The following GNAL variants were observed in gnomAD, a reference collection of about 807,000 sequenced individuals.
GNAL encodes the protein guanine nucleotide-binding protein G(olf) subunit alpha.
A neutral mutation model predicts 55.1 loss-of-function variants in GNAL; 18 were observed. The observed-to-expected ratio is 0.33, with a 90% CI of 0.23 to 0.48. GNAL has a LOEUF of 0.48. Ranked by LOEUF, GNAL falls within the 20% of genes least tolerant of loss-of-function variation. GNAL has a pLI of 0.99. For missense variants in GNAL, 412 were observed against 614.1 expected, an observed-to-expected ratio of 0.67 and a Z score of 3.48; for synonymous variants, 253 against 237.0, an observed-to-expected ratio of 1.07 and a Z score of -0.62.
intron 5 of GNAL, among the ~76,000 whole-genome samples, chr18:11,837,778 A>G (rs1317693899): frequency 2.6e-5 from 4 of 152,210 alleles, no homozygotes; most frequent in Non-Finnish European, 4.4e-5. Context: ...GTCCAAGAGA[A>G]TTGAAAATAT....
At position 11,737,127 on chromosome 18, in the gene GNAL, A is replaced by C. The variant is rs201470034; in HGVS notation, c.377-15726A>C. Among the ~76,000 whole-genome samples, 4 of 152,328 alleles carry C rather than the reference A, an allele frequency of 2.6e-5. No individual in the cohort carries two copies. In the East Asian group the frequency reaches 7.7e-4, roughly 29 times the overall value. ...GGATGCATAGTTGGTGTATCTATTT[A>C]TGGGTTGCATGAGATATTTTGATAC... is the stretch of plus-strand genomic sequence containing the variant. On this transcript the variant is annotated intron_variant, in intron 1 of 11. Transcript: ENST00000334049.
chr18:11,805,165 A>G (rs1324544320), intron 4 of GNAL, among the ~76,000 whole-genome samples: 6 of 114,768 alleles, frequency 5.2e-5, no homozygotes, highest in African/African-American at 1.7e-4. Flanking sequence ...TGAGTGGAAC[A>G]TGGAGATACT....
intron 1 of GNAL, among the ~76,000 whole-genome samples, chr18:11,750,149 C>T (rs1166240296): frequency 1.3e-5 from 2 of 152,222 alleles, no homozygotes; most frequent in East Asian, 3.9e-4. Context: ...CAACGGGATG[C>T]GGTAACTGTT....
chr18:11,787,350 C>T (rs970241540), intron 4 of GNAL, among the ~76,000 whole-genome samples: 1 of 152,152 alleles, frequency 6.6e-6, no homozygotes, highest in Admixed American at 6.5e-5. Context: ...GCCAATACAT[C>T]ACTTTTTTGG....
intron 4 of GNAL, among the ~76,000 whole-genome samples, chr18:11,796,643 G>A (rs2034397025): frequency 1.3e-5 from 2 of 148,714 alleles, no homozygotes; most frequent in African/African-American, 5.0e-5. Flanking sequence ...GATAAGCACT[G>A]CAAACATTCG....
intron 1 of GNAL, among the ~76,000 whole-genome samples, chr18:11,741,820 G>A (rs535143549): frequency 6.6e-6 from 1 of 152,342 alleles, no homozygotes; most frequent in South Asian, 2.1e-4. Context: ...CAATTGCTGT[G>A]CTGAAAATTC....
At position 11,752,448 on chromosome 18, in the gene GNAL, C is replaced by G. The variant is rs759123430; in HGVS notation, c.377-405C>G. 29 of 1,611,096 alleles carry G rather than the reference C, an allele frequency of 1.8e-5. No homozygotes were observed. In the East Asian group the frequency reaches 6.5e-4, roughly 36 times the overall value. ...AGCGGGCAGGCATGGGGTGTTTGGGCGGCAACAGCAAGACGACGGAAGACC... is the reference window on the plus strand; with the variant it reads ...AGCGGGCAGGCATGGGGTGTTTGGGGGGCAACAGCAAGACGACGGAAGACC... On this transcript the variant is annotated intron_variant, in intron 1 of 11. Coordinates refer to ENST00000334049, the MANE Select transcript of GNAL (RefSeq NM_182978.4). The surrounding 1 kb of genome is among the most constrained non-coding windows in gnomAD (Gnocchi z 4.5).
chr18:11,821,797 G>C (rs1028944442), intron 4 of GNAL, among the ~76,000 whole-genome samples: 3 of 152,160 alleles, frequency 2.0e-5, no homozygotes, highest in Non-Finnish European at 2.9e-5. Context: ...TTGAGCAGGG[G>C]CCCCAGTAAA....
intron 1 of GNAL, among the ~76,000 whole-genome samples, chr18:11,729,893 A>T (rs1422171377): frequency 6.6e-6 from 1 of 152,198 alleles, no homozygotes; most frequent in Non-Finnish European, 1.5e-5. Flanking sequence ...TAAAATCATA[A>T]AGCAACACAT....
intron 4 of GNAL, among the ~76,000 whole-genome samples, chr18:11,799,928 TC>T (rs2034480464): frequency 6.6e-6 from 1 of 152,100 alleles, no homozygotes; most frequent in African/African-American, 2.4e-5. Flanking sequence ...TCACTGTCTT[TC>T]CCTCCCCCTG....
intron 4 of GNAL, among the ~76,000 whole-genome samples, chr18:11,790,368 G>C (rs895056002): frequency 6.6e-6 from 1 of 152,054 alleles, no homozygotes; most frequent in African/African-American, 2.4e-5. Flanking sequence ...AGCTCCTCAC[G>C]ATTCCCCCAG....
At chr18:11,690,108 C>T (rs1161471008) in intron 1 of GNAL, among the ~76,000 whole-genome samples, 169 bp downstream of exon 1, 1 of 151,980 alleles carries the variant, frequency 6.6e-6, no homozygotes, top group Non-Finnish European at 1.5e-5. Context: ...GGCTACAGAG[C>T]GTTTAAACTG....
At chr18:11,859,357 C>T (rs1302181031) in intron 5 of GNAL, among the ~76,000 whole-genome samples, 1 of 152,192 alleles carries the variant, frequency 6.6e-6, no homozygotes, top group Non-Finnish European at 1.5e-5. Flanking sequence ...CTCATGGATT[C>T]CAAGGTCTTT....
intron 1 of GNAL, among the ~76,000 whole-genome samples, chr18:11,734,630 A>G (rs1352229643): frequency 6.6e-6 from 1 of 150,382 alleles, no homozygotes; most frequent in Non-Finnish European, 1.5e-5. Flanking sequence ...CTCGCCTAGG[A>G]CTCTAAAGAT....
intron 4 of GNAL, among the ~76,000 whole-genome samples, chr18:11,788,912 A>T (rs60425231): frequency 0.62 from 41,399 of 66,676 alleles, 12,570 homozygotes; most frequent in Admixed American, 0.76. Context: ...AAAAAAAAAA[A>T]AAATATATAT....
chr18:11,745,122 T>G (rs2032661670), intron 1 of GNAL, among the ~76,000 whole-genome samples: 2 of 152,162 alleles, frequency 1.3e-5, no homozygotes, highest in South Asian at 4.1e-4. Flanking sequence ...CTATCTATTG[T>G]TTTTTTATTA....
At chr18:11,750,233 G>A (rs968453041) in intron 1 of GNAL, among the ~76,000 whole-genome samples, 15 of 152,178 alleles carry the variant, frequency 9.9e-5, no homozygotes, top group African/African-American at 3.6e-4. Flanking sequence ...CCTTATTCCA[G>A]AGAAAGAACT....
At chr18:11,852,760 T>G (rs893799835) in intron 5 of GNAL, 2 of 166,860 alleles carry the variant, frequency 1.2e-5, no homozygotes, top group African/African-American at 2.4e-5. Context: ...TTCTATAAAT[T>G]TTTCACGTGA....
intron 4 of GNAL, among the ~76,000 whole-genome samples, chr18:11,807,688 T>C (rs1282796456): frequency 6.6e-6 from 1 of 152,136 alleles, no homozygotes; most frequent in African/African-American, 2.4e-5. Flanking sequence ...AGATGTCCAT[T>C]TGGAGTCACT....
Sources: allele counts gnomAD v4.1 joint callset (sites outside exome capture counted in the v4.1 genomes callset), GRCh38; gene constraint gnomAD v4.1.1; non-coding constraint Gnocchi (gnomAD v3.1); transcripts MANE v1.5; gene names NCBI Gene and HGNC (gene_info 2026-07-23, HGNC 2026-07-21).